ELMO1: variants seen among roughly 807,000 people sequenced by gnomAD.
ELMO1 encodes engulfment and cell motility 1, also known as engulfment and cell motility protein 1.
ELMO1 carries 26 observed loss-of-function variants against 98.9 expected under a neutral mutation model. That is an observed-to-expected ratio of 0.26 (90% CI 0.19 to 0.36). ELMO1 has a LOEUF of 0.36. Among genes scored for constraint, ELMO1 ranks in the 10% least tolerant of loss-of-function variants. The pLI, the probability that ELMO1 is intolerant of heterozygous loss-of-function variation, is 1.00. For missense variants in ELMO1, 627 were observed against 935.2 expected (o/e 0.67, Z 4.30); for synonymous variants, 346 against 346.0 (o/e 1.00, Z 0.00).
At position 37,342,663 on chromosome 7, in the gene ELMO1, C is replaced by A; in HGVS notation, c.28G>T (p.Val10Leu). ...TAGGCGCCCGGCCATTCTATGGCCA[C>A]CTTGACGATGTCCGCGGGTGGCGGC... MPPPADIVK[V>L]AIEWPGAYPK... The change falls in exon 2 of 22, where the codon GTG (valine) becomes TTG (leucine). Residue 10 changes from valine to leucine, a missense_variant. Val to Leu is a conservative substitution (Grantham distance 32). Around this residue, in one of 3 missense-constraint regions of ELMO1, gnomAD observed 123 missense variants for 171.2 expected, o/e 0.72. Coordinates refer to ENST00000310758, the MANE Select transcript of ELMO1 (RefSeq NM_014800.11). This position sits in a 1 kb window ranked among gnomAD's most constrained non-coding sequence, Gnocchi z 4.3. 1 of 1,611,878 alleles carries A rather than the reference C, an allele frequency of 6.2e-7. No individual in the cohort carries two copies. The highest frequency in any genetic ancestry group is 8.5e-7 in the Non-Finnish European group (1 of 1,179,360).
intron 15 of ELMO1, among the ~76,000 whole-genome samples, chr7:37,031,977 A>T (rs1794908095): frequency 6.6e-6 from 1 of 152,192 alleles, no homozygotes. Context: ...ATAAGCATGT[A>T]AGTGTGTAGG....
intron 13 of ELMO1, among the ~76,000 whole-genome samples, chr7:37,155,057 T>C (rs1050312420): frequency 6.6e-6 from 1 of 152,108 alleles, no homozygotes; most frequent in Non-Finnish European, 1.5e-5. Context: ...CCAGACAAAC[T>C]AAGCTTCATA....
At chr7:36,974,738 G>A (rs1029510250) in intron 16 of ELMO1, among the ~76,000 whole-genome samples, 25 of 152,234 alleles carry the variant, frequency 1.6e-4, no homozygotes, top group Admixed American at 7.2e-4. Context: ...TTGTTCTTTC[G>A]CTCTTTGCAA....
intron 4 of ELMO1, among the ~76,000 whole-genome samples, chr7:37,296,227 T>A (rs1040560829): frequency 6.6e-6 from 1 of 152,168 alleles, no homozygotes; most frequent in Non-Finnish European, 1.5e-5. Context: ...CAGGTTGTTG[T>A]AGAATTCATT....
At chr7:36,930,339 T>C (rs1416750969) in intron 16 of ELMO1, among the ~76,000 whole-genome samples, 1 of 152,244 alleles carries the variant, frequency 6.6e-6, no homozygotes, top group Non-Finnish European at 1.5e-5. Context: ...TGAATTTTAG[T>C]CCATGTTCAT....
chr7:37,438,691 A>G (rs1805266726), intron 1 of ELMO1, among the ~76,000 whole-genome samples: 1 of 152,124 alleles, frequency 6.6e-6, no homozygotes, highest in Non-Finnish European at 1.5e-5. Flanking sequence ...CTTTACAATC[A>G]TGATTGCATT....
At chr7:37,051,898 C>A (rs761210099) in intron 15 of ELMO1, among the ~76,000 whole-genome samples, 3 of 152,178 alleles carry the variant, frequency 2.0e-5, no homozygotes, top group African/African-American at 7.2e-5. Context: ...AAACCAGAGG[C>A]TCAGGTCAGA....
intron 6 of ELMO1, among the ~76,000 whole-genome samples, chr7:37,255,183 C>A (rs1425497289): frequency 1.3e-5 from 2 of 152,114 alleles, no homozygotes; most frequent in Admixed American, 6.5e-5. Context: ...TGGAGATAAG[C>A]CCTCTCAAGA....
At chr7:36,886,202 T>C (rs534123774) in intron 18 of ELMO1, among the ~76,000 whole-genome samples, 8 of 152,304 alleles carry the variant, frequency 5.3e-5, no homozygotes, top group Admixed American at 4.6e-4. Flanking sequence ...TAGGAGGCTT[T>C]CTCTGTAACT....
chr7:36,917,893 T>C lies in ELMO1; in HGVS notation c.1438-22876A>G, dbSNP rs140619864. The stretch of plus-strand genomic sequence containing the variant: ...AATAAATGCAGACAATGAAATATTA[T>C]GCAAATGTGGGAAGTTTATACAACA... On this transcript the variant is annotated intron_variant, in intron 16 of 21. Transcript: ENST00000310758. Among the ~76,000 whole-genome samples the C allele has an allele frequency of 5.3e-5, 8 of 152,230 alleles. No homozygotes were observed. In the East Asian group the frequency reaches 9.7e-4, roughly 18 times the overall value.
intron 15 of ELMO1, among the ~76,000 whole-genome samples, chr7:37,052,133 A>T (rs1476945652): frequency 1.3e-5 from 2 of 152,182 alleles, no homozygotes; most frequent in Admixed American, 6.5e-5. Context: ...TGCTCACACC[A>T]GTGAATTTCT....
chr7:36,984,054 G>C (rs1022896655), intron 16 of ELMO1, among the ~76,000 whole-genome samples: 1 of 150,334 alleles, frequency 6.7e-6, no homozygotes, highest in Non-Finnish European at 1.5e-5. Flanking sequence ...CCAGCACTTC[G>C]CTCATGTAAA....
At chr7:37,444,216 C>T (rs1805521767) in intron 1 of ELMO1, among the ~76,000 whole-genome samples, 1 of 152,112 alleles carries the variant, frequency 6.6e-6, no homozygotes, top group Admixed American at 6.5e-5. Flanking sequence ...GTGGCTGCCT[C>T]CAGAAGAGAT....
chr7:37,390,723 G>T (rs182230976), intron 1 of ELMO1, among the ~76,000 whole-genome samples: 1 of 152,156 alleles, frequency 6.6e-6, no homozygotes, highest in African/African-American at 2.4e-5. Flanking sequence ...CCAAGGCTCC[G>T]CTCTTTGAGA....
At chr7:37,148,004 A>AAT (rs1563034831) in intron 13 of ELMO1, among the ~76,000 whole-genome samples, 1 of 152,128 alleles carries the variant, frequency 6.6e-6, no homozygotes, top group Non-Finnish European at 1.5e-5. Context: ...CAGAAACAGG[A>AAT]ATAGCAGAGA....
At chr7:36,874,684 C>G (rs1326504614) in intron 19 of ELMO1, among the ~76,000 whole-genome samples, 1 of 152,196 alleles carries the variant, frequency 6.6e-6, no homozygotes, top group African/African-American at 2.4e-5. Flanking sequence ...TCCCTGCCCC[C>G]TCTGATGTGG....
chr7:36,980,781 C>A (rs1202310327), intron 16 of ELMO1, among the ~76,000 whole-genome samples: 1 of 152,190 alleles, frequency 6.6e-6, no homozygotes, highest in African/African-American at 2.4e-5. Flanking sequence ...AATTTCCATT[C>A]ATGACTGAGA....
intron 13 of ELMO1, among the ~76,000 whole-genome samples, chr7:37,207,460 G>A (rs1349919088): frequency 6.6e-6 from 1 of 151,960 alleles, no homozygotes; most frequent in African/African-American, 2.4e-5. Flanking sequence ...GCTGAGGCAG[G>A]AGAATCCTTG....
chr7:37,106,860 T>G (rs1784974719), intron 14 of ELMO1, among the ~76,000 whole-genome samples: 2 of 152,198 alleles, frequency 1.3e-5, no homozygotes, highest in Admixed American at 1.3e-4. Context: ...TCTCAAACTT[T>G]AAAGTACTCA....
Sources: allele counts gnomAD v4.1 joint callset (sites outside exome capture counted in the v4.1 genomes callset), GRCh38; gene constraint gnomAD v4.1.1; regional missense constraint gnomAD v4.1.1; non-coding constraint Gnocchi (gnomAD v3.1); transcripts MANE v1.5; gene names NCBI Gene and HGNC (gene_info 2026-07-23, HGNC 2026-07-21).